Variants in LDLRAD1 observed in about 807,000 individuals in gnomAD.
LDLRAD1 encodes low density lipoprotein receptor class A domain containing 1, also known as low-density lipoprotein receptor class A domain-containing protein 1.
In LDLRAD1, 17 loss-of-function variants were observed where a neutral mutation model predicts 24.8. That is an observed-to-expected ratio of 0.69 (90% CI 0.47 to 1.03). The LOEUF is 1.03. Ranked by LOEUF, LDLRAD1 falls within the 50% of genes least tolerant of loss-of-function variation. The pLI, the probability that LDLRAD1 is intolerant of heterozygous loss-of-function variation, is 0.00. For missense variants in LDLRAD1, 277 were observed against 271.0 expected (o/e 1.02, Z -0.16); for synonymous variants, 103 against 108.2 (o/e 0.95, Z 0.30).
intron 2 of LDLRAD1, among the ~76,000 whole-genome samples, chr1:54,017,010 T>C (rs1048913586): frequency 6.6e-6 from 1 of 152,176 alleles, no homozygotes; most frequent in Non-Finnish European, 1.5e-5. Flanking sequence ...TAGGGCTAAA[T>C]AAATGTGTCA....
intron 2 of LDLRAD1, among the ~76,000 whole-genome samples, chr1:54,014,686 C>T (rs533204457): frequency 2.0e-5 from 3 of 152,318 alleles, no homozygotes; most frequent in African/African-American, 7.2e-5. Flanking sequence ...CATGTCCAGC[C>T]CCCACCTTGG....
Position 54,009,012 on chromosome 1 carries a change from C to T in LDLRAD1, c.588G>A (p.Trp196Ter). The T allele has an allele frequency of 3.1e-6, 5 of 1,613,914 alleles. No homozygotes were observed. The highest frequency in any genetic ancestry group is 4.2e-6 in the Non-Finnish European group (5 of 1,179,932). ...GTCCGGGACAGGCATACTCATCGGA[C>T]CAGTCGGAGCAGTGCTGTACATGGT... ...CRDHVQHCSD[W>*]SDEYACPGP is the part of the protein sequence containing the mutation. The change falls in exon 6 of 6, where the codon TGG becomes TGA. Residue 196 changes from tryptophan (W) to a stop codon, truncating the protein, a stop_gained. Coordinates refer to ENST00000371360, the MANE Select transcript of LDLRAD1 (RefSeq NM_001010978.4). LOFTEE classifies it high-confidence loss of function.
At chr1:54,010,545 GC>G in intron 4 of LDLRAD1, 135 bp from the exon 5 acceptor site, 1 of 807,694 alleles carries the variant, frequency 1.2e-6, no homozygotes, top group South Asian at 1.7e-5. Context: ...AAGGGTGCAA[GC>G]AGAAGGTTTC....
intron 3 of LDLRAD1, 146 bp from the exon 4 acceptor site, chr1:54,012,426 C>T (rs1459424880): frequency 1.2e-6 from 1 of 829,392 alleles, no homozygotes; most frequent in Non-Finnish European, 1.9e-6. Flanking sequence ...GTTCAAGCCC[C>T]AGCTGTACCC....
In LDLRAD1 at chr1:54,008,930, G is replaced by A. The variant is rs569880996; in HGVS notation, c.*52C>T. ...CGCTAGGATTTGATTTTCATGTGAA[G>A]GGTTATCAGTGCCATTCCAGCCAGC... On this transcript the variant is annotated 3_prime_UTR_variant, in exon 6 of 6. Coordinates refer to ENST00000371360, the MANE Select transcript of LDLRAD1 (RefSeq NM_001010978.4). The A allele has an allele frequency of 1.3e-6, 2 of 1,552,246 alleles. No individual in the cohort carries two copies. Among genetic ancestry groups the A allele is most frequent in the African/African-American group, 1.4e-5 (1 of 73,374 alleles).
At position 54,008,941 on chromosome 1, in the gene LDLRAD1, G is replaced by A. The variant is rs143619888; in HGVS notation, c.*41C>T. ...GATTTTCATGTGAAGGGTTATCAGTGCCATTCCAGCCAGCCTTCCATGCTG... is the reference window on the plus strand; with the variant it reads ...GATTTTCATGTGAAGGGTTATCAGTACCATTCCAGCCAGCCTTCCATGCTG... On this transcript the variant is annotated 3_prime_UTR_variant, in exon 6 of 6. Transcript: ENST00000371360. The A allele has an allele frequency of 1.0e-3, 1,642 of 1,583,312 alleles. 15 individuals are homozygous for A. In the African/African-American group the frequency reaches 0.019, roughly 19 times the overall value.
Position 54,016,641 on chromosome 1 carries a change from A to C in LDLRAD1, c.73+735T>G, listed in dbSNP as rs531816671. On this transcript the variant is annotated intron_variant, in intron 2 of 5. Transcript: ENST00000371360. Reference sequence around the variant, plus strand: ...AAAAGCCCTGGGGCTTTGTAACCAGAGAGACCTCAGTTCACATTTGAACCC... The same window carrying C: ...AAAAGCCCTGGGGCTTTGTAACCAGCGAGACCTCAGTTCACATTTGAACCC... 4.3e-4 allele frequency among the ~76,000 whole-genome samples: 65 copies of C among 152,298 alleles called. 1 individual carries two copies. The highest frequency in any genetic ancestry group is 7.1e-4 in the Non-Finnish European group (48 of 68,018).
chr1:54,018,179 TCA>T lies in LDLRAD1; in HGVS notation c.-69_-68del, dbSNP rs1166162499. 6.3e-7 allele frequency: 1 copy of T among 1,598,866 alleles called. No homozygotes were observed. Among genetic ancestry groups the T allele is most frequent in the Non-Finnish European group, 8.5e-7 (1 of 1,170,414 alleles). On this transcript the variant is annotated 5_prime_UTR_variant, in exon 1 of 6. Coordinates refer to ENST00000371360, the MANE Select transcript of LDLRAD1 (RefSeq NM_001010978.4). ...AGCTCAGCACGGGTTCCCTGCATTG[TCA>T]CCAAGGCCAACCTGGAGGAGGGACA... is the stretch of plus-strand genomic sequence containing the variant.
rs1655886561 is a variant in LDLRAD1 at position 54,008,029 on chromosome 1, C to T, written c.*953G>A. The T allele has an allele frequency of 6.6e-6, 1 of 152,270 alleles. No homozygotes were observed. The highest frequency in any genetic ancestry group is 1.5e-5 in the Non-Finnish European group (1 of 68,100). The allele number at this position is 152,270 out of a possible 1,614,324, so 9.4% of individuals were successfully genotyped here. On this transcript the variant is annotated 3_prime_UTR_variant, in exon 6 of 6. Coordinates refer to ENST00000371360, the MANE Select transcript of LDLRAD1 (RefSeq NM_001010978.4). ...CTCCAGGATCAAAATATAGTCCCTA[C>T]TTCCAGAAAACTGGGCTGTTTAGGC... is the stretch of plus-strand genomic sequence containing the variant.
Position 54,014,275 on chromosome 1 carries a change from C to G in LDLRAD1, c.163G>C (p.Ala55Pro). The change falls in exon 3 of 6, where the codon GCC (alanine) becomes CCC (proline). Residue 55 changes from alanine (A) to proline (P), a missense_variant. Physicochemically the swap from Ala to Pro is conservative, Grantham distance 27 (BLOSUM62 -1). Coordinates refer to ENST00000371360, the MANE Select transcript of LDLRAD1 (RefSeq NM_001010978.4). The part of the protein sequence containing the change: ...LLLATVAALI[A>P]LVTILGLPSC... ...GGGAGTCCAAGAATGGTGACCAAGG[C>G]GATGAGGGCCGCCACAGTTGCCAGG... 1 of 1,552,298 alleles carries G rather than the reference C, an allele frequency of 6.4e-7. No homozygotes were observed. Among genetic ancestry groups the G allele is most frequent in the Non-Finnish European group, 8.7e-7 (1 of 1,147,774 alleles).
At chr1:54,015,664 T>G (rs1211409047) in intron 2 of LDLRAD1, among the ~76,000 whole-genome samples, 2 of 78,038 alleles carry the variant, frequency 2.6e-5, no homozygotes, top group African/African-American at 3.3e-5. Context: ...GTTTTTTTTG[T>G]TTTTTTTTTG....
At chr1:54,011,768 A>C (rs1295171106) in intron 4 of LDLRAD1, among the ~76,000 whole-genome samples, 2 of 152,190 alleles carry the variant, frequency 1.3e-5, no homozygotes, top group Non-Finnish European at 2.9e-5. Context: ...CAGATGTGCC[A>C]ATCAAGAGCG....
At position 54,009,009 on chromosome 1, in the gene LDLRAD1, G is replaced by C; in HGVS notation, c.591C>G (p.Ser197=). 1.2e-6 allele frequency: 2 copies of C among 1,613,878 alleles called. No individual in the cohort carries two copies. Among genetic ancestry groups the C allele is most frequent in the Non-Finnish European group, 1.7e-6 (2 of 1,179,922 alleles). ...RDHVQHCSDW[S]DEYACPGP is the part of the protein sequence containing the mutation. ...AGGGTCCGGGACAGGCATACTCATC[G>C]GACCAGTCGGAGCAGTGCTGTACAT... Residue 197 remains serine (S), a synonymous_variant, in exon 6 of 6, where the codon TCC becomes TCG. Transcript: ENST00000371360.
In LDLRAD1 at chr1:54,008,686, A is replaced by C. The variant is rs1467486397; in HGVS notation, c.*296T>G. ...CACCTCAGCCTCCCTAGTAGCTGGG[A>C]CTATAGGTGTGCACCGCCATGCCTG... On this transcript the variant is annotated 3_prime_UTR_variant, in exon 6 of 6. Transcript: ENST00000371360. The C allele has an allele frequency of 1.3e-5, 4 of 298,290 alleles. No homozygotes were observed. Among genetic ancestry groups the C allele is most frequent in the Non-Finnish European group, 2.6e-5 (4 of 155,918 alleles). The allele number at this position is 298,290 out of a possible 1,614,324, so 18.5% of individuals were successfully genotyped here. A position where few individuals can be genotyped will look rare whatever the true frequency, so the allele number is the denominator to read the frequency against.
At chr1:54,017,995 G>T (rs1452892271) in intron 1 of LDLRAD1, 97 bp downstream of exon 1, 4 of 1,143,160 alleles carry the variant, frequency 3.5e-6, no homozygotes, top group South Asian at 1.2e-5. Flanking sequence ...CTTACTTGGA[G>T]ACAACTCTTA....
At chr1:54,016,608 G>A (rs761910916) in intron 2 of LDLRAD1, among the ~76,000 whole-genome samples, 7 of 152,134 alleles carry the variant, frequency 4.6e-5, no homozygotes, top group East Asian at 1.9e-4. Flanking sequence ...ACACCAGCTC[G>A]GAGCAACAAA....
rs753828558 is a variant in LDLRAD1 at position 54,018,134 on chromosome 1, G to A, written c.-22C>T. On this transcript the variant is annotated 5_prime_UTR_variant, in exon 1 of 6. Coordinates refer to ENST00000371360, the MANE Select transcript of LDLRAD1 (RefSeq NM_001010978.4). ...TCATGTCTTCGGTTTCCTGCTGCCC[G>A]ACTGGGGCTGTGTGCAGAGAGCTCA... 1.1e-5 allele frequency: 18 copies of A among 1,613,166 alleles called. No individual in the cohort carries two copies. The highest frequency in any genetic ancestry group is 1.6e-4 in the Middle Eastern group (1 of 6,078).
intron 3 of LDLRAD1, among the ~76,000 whole-genome samples, chr1:54,013,790 G>A (rs1359840484): frequency 6.6e-6 from 1 of 152,174 alleles, no homozygotes; most frequent in Non-Finnish European, 1.5e-5. Flanking sequence ...CTCCTTGAAG[G>A]CAGGCACTGT....
At chr1:54,013,975 G>A (rs751505265) in intron 3 of LDLRAD1, among the ~76,000 whole-genome samples, 13 of 152,068 alleles carry the variant, frequency 8.5e-5, no homozygotes, top group African/African-American at 2.9e-4. Flanking sequence ...CCATCCTGGG[G>A]GTCTAGGAAG....
Sources: gnomAD v4.1 joint callset for allele counts (sites outside exome capture counted in the v4.1 genomes callset) on GRCh38, gnomAD v4.1.1 for gene constraint, MANE v1.5 for transcripts, NCBI Gene and HGNC (gene_info 2026-07-23, HGNC 2026-07-21) for gene names.